Variants in CCDC73 observed in about 807,000 individuals in gnomAD.
The protein encoded by CCDC73 is coiled-coil domain-containing protein 73.
In CCDC73, 95 loss-of-function variants were observed where a neutral mutation model predicts 116.5. The ratio of observed to expected loss-of-function variants is 0.82; its 90% CI spans 0.69 to 0.97. The LOEUF (loss-of-function observed/expected upper bound fraction) is 0.97. CCDC73 is among the 50% of genes least tolerant of loss of function. The probability of loss-of-function intolerance (pLI) is 0.00; values close to 1 mark genes in which losing one functional copy is unlikely to be tolerated. For missense variants in CCDC73, 1,066 were observed against 1,206.8 expected, an observed-to-expected ratio of 0.88 and a Z score of 1.73; for synonymous variants, 398 against 401.3, an observed-to-expected ratio of 0.99 and a Z score of 0.10.
chr11:32,648,052 A>G (rs1194438838), intron 12 of CCDC73, among the ~76,000 whole-genome samples: 1 of 152,096 alleles, frequency 6.6e-6, no homozygotes, highest in Non-Finnish European at 1.5e-5. Context: ...GAAACCTCCA[A>G]TCTTCTGCAA....
chr11:32,734,460 T>G (rs1006395131), intron 2 of CCDC73, among the ~76,000 whole-genome samples: 18 of 149,704 alleles, frequency 1.2e-4, no homozygotes, highest in Non-Finnish European at 1.8e-4. Context: ...CATTCTTGGG[T>G]GTTTCTTGCA....
intron 12 of CCDC73, among the ~76,000 whole-genome samples, chr11:32,649,094 G>A (rs1446706229): frequency 6.6e-6 from 1 of 151,972 alleles, no homozygotes; most frequent in African/African-American, 2.4e-5. Flanking sequence ...TAAATATGTA[G>A]TTATGTGTTT....
chr11:32,641,715 G>GTGTATATATA (rs145985523), intron 13 of CCDC73, among the ~76,000 whole-genome samples: 17 of 148,916 alleles, frequency 1.1e-4, no homozygotes, highest in African/African-American at 4.2e-4. Flanking sequence ...ATATGTGTGT[G>GTGTATATATA]TATATATATA....
intron 17 of CCDC73, 97 bp from the exon 18 acceptor site, chr11:32,603,117 A>G: frequency 1.0e-6 from 1 of 960,358 alleles, no homozygotes; most frequent in Non-Finnish European, 1.6e-6. Flanking sequence ...TGGTAAAACC[A>G]CCATCTCTTG....
At chr11:32,768,918 G>T (rs1044413327) in intron 1 of CCDC73, among the ~76,000 whole-genome samples, 18 of 152,278 alleles carry the variant, frequency 1.2e-4, no homozygotes, top group Non-Finnish European at 2.2e-4. Flanking sequence ...GTCTGAACAA[G>T]TACTTCATAA....
At chr11:32,799,091 AT>A (rs36041424), upstream of CCDC73, among the ~76,000 whole-genome samples, 9,168 of 118,204 alleles carry the variant, frequency 0.078, 208 homozygotes, top group Non-Finnish European at 0.087. Flanking sequence ...TTTTCTTTTC[AT>A]TTTTTTTTTT....
At chr11:32,672,542 C>A (rs1166884768) in intron 9 of CCDC73, among the ~76,000 whole-genome samples, 1 of 152,054 alleles carries the variant, frequency 6.6e-6, no homozygotes, top group African/African-American at 2.4e-5. Context: ...AATATTAACA[C>A]ATAAATGAAC....
At chr11:32,737,009 C>A (rs71479177) in intron 2 of CCDC73, among the ~76,000 whole-genome samples, 11,007 of 149,256 alleles carry the variant, frequency 0.074, 459 homozygotes, top group South Asian at 0.12. Context: ...TATATATTCC[C>A]CAGGCTGGAC....
chr11:32,806,224 G>A, the CCDC73 span, among the ~76,000 whole-genome samples: 2 of 152,286 alleles, frequency 1.3e-5, no homozygotes, highest in Non-Finnish European at 2.9e-5. Flanking sequence ...TTCCATTATT[G>A]AATGTAGCTA....
intron 14 of CCDC73, among the ~76,000 whole-genome samples, chr11:32,626,446 T>C (rs539111389): frequency 6.6e-6 from 1 of 152,018 alleles, no homozygotes; most frequent in Admixed American, 6.6e-5. Flanking sequence ...AAGCTACCAA[T>C]GACTTTCTTC....
chr11:32,812,437 G>C, the CCDC73 span, among the ~76,000 whole-genome samples: 8 of 152,222 alleles, frequency 5.3e-5, no homozygotes, highest in African/African-American at 1.2e-4. Context: ...AGGCCGAGGC[G>C]GGTGGATCAC....
intron 3 of CCDC73, among the ~76,000 whole-genome samples, chr11:32,712,421 T>C (rs993404737): frequency 6.6e-6 from 1 of 152,098 alleles, no homozygotes; most frequent in Non-Finnish European, 1.5e-5. Context: ...TTTTAAATAT[T>C]CTCACTATAA....
chr11:32,615,868 A>C lies in CCDC73; in HGVS notation c.1375+72T>G, dbSNP rs760633040. On this transcript the variant is annotated intron_variant, in intron 15 of 17. Transcript: ENST00000335185. ...GTCATGAAGAGGGGAGGCAGAATGT[A>C]ATTTTCCCAAAAATATTTACTGTAA... 2.3e-6 allele frequency: 3 copies of C among 1,327,156 alleles called. No individual in the cohort carries two copies. In the East Asian group the frequency reaches 7.9e-5, roughly 35 times the overall value. The allele number at this position is 1,327,156 out of a possible 1,614,324, so 82.2% of individuals were successfully genotyped here. A position where few individuals can be genotyped will look rare whatever the true frequency, so the allele number is the denominator to read the frequency against.
chr11:32,729,418 CA>C (rs1463608939), intron 2 of CCDC73, among the ~76,000 whole-genome samples: 2 of 152,136 alleles, frequency 1.3e-5, no homozygotes, highest in Non-Finnish European at 2.9e-5. Flanking sequence ...TCCTGTCTAT[CA>C]CTCATGGGCT....
At position 32,614,028 on chromosome 11, in the gene CCDC73, AAC is replaced by A; in HGVS notation, c.2288_2289del (p.Cys763PhefsTer8). 2 of 1,612,186 alleles carry A rather than the reference AAC, an allele frequency of 1.2e-6. No homozygotes were observed. The highest frequency in any genetic ancestry group is 1.7e-4 in the Middle Eastern group (1 of 6,054). ...ACATTAGTGTTTTCTAAGTATCCCAAACAGTTATTAAATTGACTGTTTTGCAT... is the reference window on the plus strand; with the variant it reads ...ACATTAGTGTTTTCTAAGTATCCCAAAGTTATTAAATTGACTGTTTTGCAT... ...SDMQNSQFNN[C>X]LGYLENTNVN... is the part of the protein sequence containing the mutation. On this transcript the variant is annotated frameshift_variant, in exon 16 of 18. Transcript: ENST00000335185. LOFTEE classifies it high-confidence loss of function.
chr11:32,664,081 C>T (rs949770076), intron 9 of CCDC73, among the ~76,000 whole-genome samples: 3 of 152,178 alleles, frequency 2.0e-5, no homozygotes, highest in South Asian at 2.1e-4. Context: ...ATTCGGTTTG[C>T]CACTATTTTA....
intron 8 of CCDC73, 112 bp from the exon 9 acceptor site, chr11:32,675,756 T>C: frequency 8.4e-7 from 1 of 1,183,436 alleles, no homozygotes; most frequent in Non-Finnish European, 1.2e-6. Flanking sequence ...TGTTATTTAA[T>C]TTAGGTAACA....
At chr11:32,760,738 G>A (rs1349999079) in intron 1 of CCDC73, among the ~76,000 whole-genome samples, 2 of 152,176 alleles carry the variant, frequency 1.3e-5, no homozygotes. Flanking sequence ...TCTCAACCCA[G>A]AAAATGTATG....
intron 2 of CCDC73, among the ~76,000 whole-genome samples, chr11:32,735,858 C>T (rs539152166): frequency 4.6e-5 from 7 of 152,120 alleles, no homozygotes; most frequent in Admixed American, 6.5e-5. Flanking sequence ...TAATACCACA[C>T]ATCTACAACC....
Sources: allele counts gnomAD v4.1 joint callset (sites outside exome capture counted in the v4.1 genomes callset), GRCh38; gene constraint gnomAD v4.1.1; transcripts MANE v1.5; gene names NCBI Gene and HGNC (gene_info 2026-07-23, HGNC 2026-07-21).